Variants in LY6G6C observed in about 807,000 individuals in gnomAD.
LY6G6C encodes the protein lymphocyte antigen 6 complex locus protein G6c.
Under a neutral mutation model 12.8 loss-of-function variants are expected in LY6G6C, and 12 were observed. The observed-to-expected ratio is 0.94, with a 90% confidence interval of 0.60 to 1.52. LY6G6C has a LOEUF of 1.52. Among genes scored for constraint, LY6G6C ranks in the 40% most tolerant of loss-of-function variants. The pLI, the probability that LY6G6C is intolerant of heterozygous loss-of-function variation, is 0.00. For synonymous variants in LY6G6C, 42 were observed against 61.6 expected (o/e 0.68, Z 1.49); for missense variants, 125 against 155.8 (o/e 0.80, Z 1.05).
rs964420836 is a variant in LY6G6C at position 31,718,926 on chromosome 6, T to C, written c.*170A>G. 4.5e-5 allele frequency: 26 copies of C among 583,564 alleles called. 1 individual carries two copies. The Admixed American group carries it at 4.9e-4, about 11-fold the overall frequency. 36.1% of individuals were successfully genotyped at this position (583,564 alleles called of 1,614,324 possible). A position where few individuals can be genotyped will look rare whatever the true frequency, so the allele number is the denominator to read the frequency against. On this transcript the variant is annotated 3_prime_UTR_variant, in exon 3 of 3. Coordinates refer to ENST00000375819, the MANE Select transcript of LY6G6C (RefSeq NM_025261.3). ...GGGAAGGGACCCAGAAAAAGGAGAG[T>C]GAAGGGTGTGAGGTGGGAAGGATGG...
At chr6:31,721,246 G>A (rs1397960985) in intron 1 of LY6G6C, among the ~76,000 whole-genome samples, 1 of 152,156 alleles carries the variant, frequency 6.6e-6, no homozygotes, top group Non-Finnish European at 1.5e-5. Context: ...ACACCTTACT[G>A]AGCACAGCAG....
rs1219532054 is a variant in LY6G6C at position 31,719,246 on chromosome 6, G to A, written c.228C>T (p.Phe76=). 2 of 1,614,198 alleles carry A rather than the reference G, an allele frequency of 1.2e-6. No individual in the cohort carries two copies. Among genetic ancestry groups the A allele is most frequent in the East Asian group, 2.2e-5 (1 of 44,882 alleles). The change falls in exon 3 of 3, where the codon TTC becomes TTT. Residue 76 remains phenylalanine (F), a synonymous_variant. Coordinates refer to ENST00000375819, the MANE Select transcript of LY6G6C (RefSeq NM_025261.3). ...GACCCAGCTTGCGGTTGGTTTGGTT[G>A]AAGGCCTCCTGACAGGGCTCTTCTG... The part of the protein sequence containing the change: ...GTPEEPCQEA[F]NQTNRKLGLT...
chr6:31,720,235 G>A lies in LY6G6C; in HGVS notation c.53-32C>T, dbSNP rs1345385031. 3.3e-6 allele frequency: 5 copies of A among 1,533,156 alleles called. No individual in the cohort carries two copies. Among genetic ancestry groups the A allele is most frequent in the Non-Finnish European group, 4.5e-6 (5 of 1,107,958 alleles). The allele number at this position is 1,533,156 out of a possible 1,614,324, so 95.0% of individuals were successfully genotyped here. A position where few individuals can be genotyped will look rare whatever the true frequency, so the allele number is the denominator to read the frequency against. ...AGACACAAGTCAGGCTGAGGTGATGGGGTCTCTGACTTACCTGGGGATAAG... is the reference window on the plus strand; with the variant it reads ...AGACACAAGTCAGGCTGAGGTGATGAGGTCTCTGACTTACCTGGGGATAAG... On this transcript the variant is annotated intron_variant, in intron 1 of 2. Coordinates refer to ENST00000375819, the MANE Select transcript of LY6G6C (RefSeq NM_025261.3). The surrounding 1 kb of genome is among the most constrained non-coding windows in gnomAD (Gnocchi z 4.9).
chr6:31,720,172 G>C lies in LY6G6C; in HGVS notation c.84C>G (p.Val28=). The change falls in exon 2 of 3, where the codon GTC becomes GTG. Residue 28 remains valine, a synonymous_variant. Transcript: ENST00000375819. This position sits in a 1 kb window ranked among gnomAD's most constrained non-coding sequence, Gnocchi z 4.9. ...GCCGGTCCACACAGCCCAGCACAGGGACCTTGTAGCAGGAGTGACAGCGAA... is the reference window on the plus strand; with the variant it reads ...GCCGGTCCACACAGCCCAGCACAGGCACCTTGTAGCAGGAGTGACAGCGAA... The part of the protein sequence containing the change: ...ADIRCHSCYK[V]PVLGCVDRQS... The C allele has an allele frequency of 6.2e-7, 1 of 1,613,068 alleles. No homozygotes were observed. Among genetic ancestry groups the C allele is most frequent in the African/African-American group, 1.3e-5 (1 of 75,066 alleles).
At chr6:31,721,562 T>C in intron 1 of LY6G6C, 66 bp downstream of exon 1, 2 of 1,471,758 alleles carry the variant, frequency 1.4e-6, no homozygotes, top group South Asian at 1.2e-5. Context: ...GGCCGGGAAG[T>C]GGGTAGAGCA....
In LY6G6C at chr6:31,719,233, G is replaced by A. The variant is rs146065888; in HGVS notation, c.241C>T (p.Arg81Cys). Reference protein sequence around the residue: ...PCQEAFNQTNRKLGLTYNTTC... With the variant: ...PCQEAFNQTNCKLGLTYNTTC... ...GTGTTATATGTCAGACCCAGCTTGCGGTTGGTTTGGTTGAAGGCCTCCTGA... is the reference window on the plus strand; with the variant it reads ...GTGTTATATGTCAGACCCAGCTTGCAGTTGGTTTGGTTGAAGGCCTCCTGA... The change falls in exon 3 of 3, where the codon CGC becomes TGC. Residue 81 changes from arginine to cysteine, a missense_variant. Arg to Cys is a radical substitution (Grantham distance 180). Transcript: ENST00000375819. 3.8e-5 allele frequency: 62 copies of A among 1,614,188 alleles called. No homozygotes were observed. In the African/African-American group the frequency reaches 5.6e-4, roughly 15 times the overall value.
At chr6:31,721,283 C>G (rs1806765969) in intron 1 of LY6G6C, among the ~76,000 whole-genome samples, 2 of 152,108 alleles carry the variant, frequency 1.3e-5, no homozygotes, top group Admixed American at 1.3e-4. Flanking sequence ...GTAAGCTAGA[C>G]TCTGGAGAGT....
Position 31,720,293 on chromosome 6 carries a change from G to A in LY6G6C, c.53-90C>T. ...GGGGGCAGGGGTGGAGGGTGGAGAAGAGCCCATCCCGTAGGTGCTCCAACC... is the reference window on the plus strand; with the variant it reads ...GGGGGCAGGGGTGGAGGGTGGAGAAAAGCCCATCCCGTAGGTGCTCCAACC... On this transcript the variant is annotated intron_variant, in intron 1 of 2. Coordinates refer to ENST00000375819, the MANE Select transcript of LY6G6C (RefSeq NM_025261.3). This position sits in a 1 kb window ranked among gnomAD's most constrained non-coding sequence, Gnocchi z 4.9. 1.1e-6 allele frequency: 1 copy of A among 879,590 alleles called. No homozygotes were observed. The highest frequency in any genetic ancestry group is 1.4e-5 in the South Asian group (1 of 69,036). The allele number at this position is 879,590 out of a possible 1,614,324, so 54.5% of individuals were successfully genotyped here.
chr6:31,720,155 A>C lies in LY6G6C; in HGVS notation c.101T>G (p.Val34Gly). The C allele has an allele frequency of 2.5e-6, 4 of 1,613,158 alleles. No individual in the cohort carries two copies. The highest frequency in any genetic ancestry group is 3.4e-6 in the Non-Finnish European group (4 of 1,180,020). ...CTCCAGGCGGCAGGACTGCCGGTCC[A>C]CACAGCCCAGCACAGGGACCTTGTA... is the stretch of plus-strand genomic sequence containing the variant. ...SCYKVPVLGC[V>G]DRQSCRLEPG... The change falls in exon 2 of 3, where the codon GTG becomes GGG. Residue 34 changes from valine (V) to glycine (G), a missense_variant. Transcript: ENST00000375819. The surrounding 1 kb of genome is among the most constrained non-coding windows in gnomAD (Gnocchi z 4.9).
In LY6G6C at chr6:31,720,057, C is replaced by T; in HGVS notation, c.163+36G>A. The stretch of plus-strand genomic sequence containing the variant: ...TCAGTCCTGGTCATAGAGGCTCCCA[C>T]CTCCCTGTTCACCCCACTAAGGAAG... On this transcript the variant is annotated intron_variant, in intron 2 of 2. Coordinates refer to ENST00000375819, the MANE Select transcript of LY6G6C (RefSeq NM_025261.3). This position sits in a 1 kb window ranked among gnomAD's most constrained non-coding sequence, Gnocchi z 4.9. The T allele has an allele frequency of 2.0e-6, 3 of 1,489,030 alleles. No homozygotes were observed. The highest frequency in any genetic ancestry group is 2.8e-6 in the Non-Finnish European group (3 of 1,068,700). 92.2% of individuals were successfully genotyped at this position (1,489,030 alleles called of 1,614,324 possible). A position where few individuals can be genotyped will look rare whatever the true frequency, so the allele number is the denominator to read the frequency against.
intron 2 of LY6G6C, among the ~76,000 whole-genome samples, chr6:31,719,776 A>G (rs1362897573): frequency 6.6e-6 from 1 of 152,048 alleles, no homozygotes; most frequent in Non-Finnish European, 1.5e-5. Context: ...ACCTCAAGTG[A>G]TCCAACCACC....
Position 31,718,926 on chromosome 6 carries a change from T to A in LY6G6C, c.*170A>T. 1.7e-6 allele frequency: 1 copy of A among 583,672 alleles called. No individual in the cohort carries two copies. The highest frequency in any genetic ancestry group is 3.0e-6 in the Non-Finnish European group (1 of 334,442). 36.2% of individuals were successfully genotyped at this position (583,672 alleles called of 1,614,324 possible). On this transcript the variant is annotated 3_prime_UTR_variant, in exon 3 of 3. Coordinates refer to ENST00000375819, the MANE Select transcript of LY6G6C (RefSeq NM_025261.3). The stretch of plus-strand genomic sequence containing the variant: ...GGGAAGGGACCCAGAAAAAGGAGAG[T>A]GAAGGGTGTGAGGTGGGAAGGATGG...
At position 31,719,266 on chromosome 6, in the gene LY6G6C, C is replaced by T; in HGVS notation, c.208G>A (p.Glu70Lys). 6.2e-7 allele frequency: 1 copy of T among 1,614,146 alleles called. No individual in the cohort carries two copies. Among genetic ancestry groups the T allele is most frequent in the South Asian group, 1.1e-5 (1 of 91,084 alleles). ...TGGTTGAAGGCCTCCTGACAGGGCTCTTCTGGTGTGCCACAGCGCAGATTG... is the reference window on the plus strand; with the variant it reads ...TGGTTGAAGGCCTCCTGACAGGGCTTTTCTGGTGTGCCACAGCGCAGATTG... ...FSNLRCGTPE[E>K]PCQEAFNQTN... Residue 70 changes from glutamate (E) to lysine (K), a missense_variant, in exon 3 of 3, where the codon GAG (glutamate) becomes AAG (lysine). Physicochemically the swap from Glu to Lys is moderately conservative, Grantham distance 56. Coordinates refer to ENST00000375819, the MANE Select transcript of LY6G6C (RefSeq NM_025261.3).
At position 31,719,147 on chromosome 6, in the gene LY6G6C, G is replaced by T; in HGVS notation, c.327C>A (p.Gly109=). 6.2e-7 allele frequency: 1 copy of T among 1,614,192 alleles called. No individual in the cohort carries two copies. The highest frequency in any genetic ancestry group is 8.5e-7 in the Non-Finnish European group (1 of 1,180,018). The change falls in exon 3 of 3, where the codon GGC becomes GGA. Residue 109 remains glycine (G), a synonymous_variant. Coordinates refer to ENST00000375819, the MANE Select transcript of LY6G6C (RefSeq NM_025261.3). ...SAGPRPTPAL[G]LVFLTSLAGL... ...CAGCCAAGGAGGTAAGGAAGACAAG[G>T]CCCAGGGCTGGAGTGGGCCGGGGTC...
In LY6G6C at chr6:31,720,178, G is replaced by C; in HGVS notation, c.78C>G (p.Tyr26Ter). Reference protein sequence around the residue: ...VSADIRCHSCYKVPVLGCVDR... With the variant: ...VSADIRCHSC ...CCACACAGCCCAGCACAGGGACCTT[G>C]TAGCAGGAGTGACAGCGAATGTCAG... The change falls in exon 2 of 3, where the codon TAC (tyrosine) becomes TAG (stop). Residue 26 changes from tyrosine to a stop codon, truncating the protein, a stop_gained. Coordinates refer to ENST00000375819, the MANE Select transcript of LY6G6C (RefSeq NM_025261.3). LOFTEE classifies it high-confidence loss of function. This position sits in a 1 kb window ranked among gnomAD's most constrained non-coding sequence, Gnocchi z 4.9. 3 of 1,613,042 alleles carry C rather than the reference G, an allele frequency of 1.9e-6. No homozygotes were observed. Among genetic ancestry groups the C allele is most frequent in the Non-Finnish European group, 2.5e-6 (3 of 1,179,922 alleles).
intron 2 of LY6G6C, 115 bp from the exon 3 acceptor site, chr6:31,719,425 C>T (rs1806664893): frequency 2.5e-6 from 2 of 798,772 alleles, no homozygotes; most frequent in African/African-American, 1.7e-5. Context: ...CTGTCCCTGG[C>T]CCTCCCCTTC....
rs1278094597 is a variant in LY6G6C at position 31,720,782 on chromosome 6, G to T, written c.53-579C>A. On this transcript the variant is annotated intron_variant, in intron 1 of 2. Coordinates refer to ENST00000375819, the MANE Select transcript of LY6G6C (RefSeq NM_025261.3). This position sits in a 1 kb window ranked among gnomAD's most constrained non-coding sequence, Gnocchi z 4.9. ...ACCCCAGTAGCTCTTCAGCAGAAAG[G>T]AATGATACCTGAGAGACAGATCACC... Among the ~76,000 whole-genome samples the T allele has an allele frequency of 6.6e-6, 1 of 152,166 alleles. No homozygotes were observed. The highest frequency in any genetic ancestry group is 1.5e-5 in the Non-Finnish European group (1 of 68,034).
In LY6G6C at chr6:31,720,304, G is replaced by A. The variant is rs952053952; in HGVS notation, c.53-101C>T. On this transcript the variant is annotated intron_variant, in intron 1 of 2. Transcript: ENST00000375819. The surrounding 1 kb of genome is among the most constrained non-coding windows in gnomAD (Gnocchi z 4.9). ...TGGAGGGTGGAGAAGAGCCCATCCC[G>A]TAGGTGCTCCAACCTGTTTGGCTGT... 7.8e-6 allele frequency: 6 copies of A among 767,118 alleles called. No homozygotes were observed. Among genetic ancestry groups the A allele is most frequent in the Admixed American group, 2.1e-5 (1 of 46,630 alleles). The allele number at this position is 767,118 out of a possible 1,614,324, so 47.5% of individuals were successfully genotyped here.
At position 31,718,880 on chromosome 6, in the gene LY6G6C, A is replaced by G. The variant is rs1442825611; in HGVS notation, c.*216T>C. The G allele has an allele frequency of 5.1e-6, 3 of 585,512 alleles. No homozygotes were observed. The highest frequency in any genetic ancestry group is 3.7e-5 in the African/African-American group (2 of 53,712). 36.3% of individuals were successfully genotyped at this position (585,512 alleles called of 1,614,324 possible). ...AAGTGGGGAGCCCTTCTAGGAGCCA[A>G]TGGAGGTCCTGGAAGGAAGTGGGAA... On this transcript the variant is annotated 3_prime_UTR_variant, in exon 3 of 3. Coordinates refer to ENST00000375819, the MANE Select transcript of LY6G6C (RefSeq NM_025261.3).
Sources: allele counts gnomAD v4.1 joint callset (sites outside exome capture counted in the v4.1 genomes callset), GRCh38; gene constraint gnomAD v4.1.1; non-coding constraint Gnocchi (gnomAD v3.1); transcripts MANE v1.5; gene names NCBI Gene and HGNC (gene_info 2026-07-23, HGNC 2026-07-21).